Variants in GRIA1 observed in about 807,000 individuals in gnomAD.
The protein encoded by GRIA1 is glutamate receptor 1.
Under a neutral mutation model 99.2 loss-of-function variants are expected in GRIA1, and 31 were observed. The ratio of observed to expected loss-of-function variants is 0.31; its 90% confidence interval spans 0.23 to 0.42. The LOEUF (loss-of-function observed/expected upper bound fraction) is 0.42, where lower values mean the gene tolerates loss of function less well. Among genes scored for constraint, GRIA1 ranks in the 10% least tolerant of loss-of-function variants. The pLI, the probability that GRIA1 is intolerant of heterozygous loss-of-function variation, is 1.00. For synonymous variants in GRIA1, 438 were observed against 432.4 expected, an observed-to-expected ratio of 1.01 and a Z score of -0.16; for missense variants, 782 against 1,157.5, an observed-to-expected ratio of 0.68 and a Z score of 4.71.
At chr5:153,773,619 A>T (rs956582444) in intron 13 of GRIA1, among the ~76,000 whole-genome samples, 18 of 152,222 alleles carry the variant, frequency 1.2e-4, no homozygotes, top group African/African-American at 4.3e-4. Context: ...ATAATAAAAA[A>T]CTAATTCTTT....
intron 2 of GRIA1, among the ~76,000 whole-genome samples, chr5:153,580,466 A>C (rs527887886): frequency 2.0e-4 from 31 of 152,330 alleles, no homozygotes; most frequent in Non-Finnish European, 4.1e-4. Flanking sequence ...TTGGATGAAC[A>C]TGAGTATTAG....
chr5:153,621,836 C>T (rs1358947906), intron 2 of GRIA1, among the ~76,000 whole-genome samples: 4 of 152,182 alleles, frequency 2.6e-5, no homozygotes, highest in African/African-American at 9.6e-5. Flanking sequence ...ATTGCAAGTT[C>T]CATCAGCAAA....
chr5:153,749,137 A>G (rs984304075), intron 11 of GRIA1, among the ~76,000 whole-genome samples: 2 of 152,142 alleles, frequency 1.3e-5, no homozygotes, highest in African/African-American at 4.8e-5. Flanking sequence ...GACCCAGGAG[A>G]GAGTGGGGCC....
intron 11 of GRIA1, among the ~76,000 whole-genome samples, chr5:153,729,491 A>T (rs1249144466): frequency 6.6e-6 from 1 of 152,116 alleles, no homozygotes; most frequent in East Asian, 1.9e-4. Flanking sequence ...ATTACACAGT[A>T]AAGAGTGTGT....
chr5:153,789,564 A>AAAAT lies in GRIA1; in HGVS notation c.2271-5053_2271-5050dup, dbSNP rs1765172218. Among the ~76,000 whole-genome samples the AAAAT allele has an allele frequency of 2.0e-5, 3 of 152,306 alleles. No individual in the cohort carries two copies. In the South Asian group the frequency reaches 6.2e-4, roughly 32 times the overall value. ...ACTGACTTCCACTTTTAGGAGAAAGAAAATAAAGTAATCTCAGGAATCTTT... is the reference window on the plus strand; with the variant it reads ...ACTGACTTCCACTTTTAGGAGAAAGAAAATAAATAAAGTAATCTCAGGAATCTTT... On this transcript the variant is annotated intron_variant, in intron 13 of 15. Coordinates refer to ENST00000285900, the MANE Select transcript of GRIA1 (RefSeq NM_000827.4).
intron 11 of GRIA1, among the ~76,000 whole-genome samples, chr5:153,748,479 G>T (rs949593351): frequency 1.3e-5 from 2 of 152,196 alleles, no homozygotes; most frequent in Non-Finnish European, 1.5e-5. Context: ...TGCCTTGGTA[G>T]AATATTTGGA....
intron 1 of GRIA1, 133 bp from the exon 2 acceptor site, chr5:153,493,795 T>C: frequency 4.7e-6 from 4 of 858,574 alleles, no homozygotes; most frequent in Non-Finnish European, 5.5e-6. Flanking sequence ...ATTTGAACTC[T>C]CATCTCTACC....
chr5:153,586,197 A>G (rs1387928676), intron 2 of GRIA1, among the ~76,000 whole-genome samples: 4 of 152,172 alleles, frequency 2.6e-5, no homozygotes, highest in Non-Finnish European at 4.4e-5. Context: ...TTACCCTCCT[A>G]TGCAATGTAA....
At chr5:153,619,750 A>G (rs553501956) in intron 2 of GRIA1, among the ~76,000 whole-genome samples, 142 of 152,292 alleles carry the variant, frequency 9.3e-4, no homozygotes, top group African/African-American at 3.2e-3. Flanking sequence ...GGAAAATACT[A>G]CTACAACCGT....
At chr5:153,606,689 G>A (rs975431081) in intron 2 of GRIA1, among the ~76,000 whole-genome samples, 10 of 151,608 alleles carry the variant, frequency 6.6e-5, no homozygotes, top group African/African-American at 1.9e-4. Context: ...ATTGTTTGGC[G>A]CTGGTAAATG....
At chr5:153,673,158 T>C (rs1241785724) in intron 5 of GRIA1, among the ~76,000 whole-genome samples, 2 of 152,190 alleles carry the variant, frequency 1.3e-5, no homozygotes, top group African/African-American at 4.8e-5. Context: ...AATATGCCAA[T>C]CATCCTCTCA....
At position 153,680,450 on chromosome 5, in the gene GRIA1, T is replaced by A. The variant is rs148479172; in HGVS notation, c.1029+3289T>A. 2.2e-3 allele frequency among the ~76,000 whole-genome samples: 332 copies of A among 152,134 alleles called. 3 individuals carry two copies. Among genetic ancestry groups the A allele is most frequent in the African/African-American group, 7.7e-3 (320 of 41,480 alleles). ...CTTAACATAGGGGAGGTAATAGGCA[T>A]TTGAGAATATGATTTTTTAAAAGAA... On this transcript the variant is annotated intron_variant, in intron 7 of 15. Coordinates refer to ENST00000285900, the MANE Select transcript of GRIA1 (RefSeq NM_000827.4).
chr5:153,767,155 A>G (rs1447800011), intron 12 of GRIA1, among the ~76,000 whole-genome samples: 1 of 152,232 alleles, frequency 6.6e-6, no homozygotes, highest in African/African-American at 2.4e-5. Flanking sequence ...CCTGAAAAAA[A>G]AGGCATAATT....
intron 13 of GRIA1, 32 bp from the exon 14 acceptor site, chr5:153,794,589 A>G (rs1487840891): frequency 7.3e-7 from 1 of 1,360,640 alleles, no homozygotes; most frequent in Non-Finnish European, 1.1e-6. Flanking sequence ...TCCACCTGTT[A>G]CTCATCGAGT....
chr5:153,574,414 A>G (rs547300910), intron 2 of GRIA1: 32 of 152,250 alleles, frequency 2.1e-4, no homozygotes, highest in African/African-American at 7.5e-4. Flanking sequence ...TGTTTTAATA[A>G]TCATTATCTT....
chr5:153,671,290 T>A (rs541048802), intron 5 of GRIA1, among the ~76,000 whole-genome samples: 97 of 152,328 alleles, frequency 6.4e-4, no homozygotes, highest in African/African-American at 2.3e-3. Context: ...CAGGACCTTG[T>A]TACAGATTTT....
intron 2 of GRIA1, among the ~76,000 whole-genome samples, chr5:153,557,556 A>T (rs1760758568): frequency 6.6e-6 from 1 of 152,122 alleles, no homozygotes; most frequent in African/African-American, 2.4e-5. Context: ...ACAACTATAC[A>T]ACTTTTTTTT....
At position 153,811,086 on chromosome 5, in the gene GRIA1, G is replaced by C. The variant is rs750421563; in HGVS notation, c.2582G>C (p.Arg861Pro). The change falls in exon 16 of 16, where the codon CGC becomes CCC. Residue 861 changes from arginine (R) to proline (P), a missense_variant. Arg to Pro is a moderately radical substitution (Grantham distance 103). Transcript: ENST00000285900. ...GCCATACGGACATCGACCCTCCCCC[G>C]CAACAGCGGGGCAGGAGCCAGCAGC... ...NEAIRTSTLP[R>P]NSGAGASSGG... 1 of 1,613,978 alleles carries C rather than the reference G, an allele frequency of 6.2e-7. No individual in the cohort carries two copies. Among genetic ancestry groups the C allele is most frequent in the Non-Finnish European group, 8.5e-7 (1 of 1,179,894 alleles).
intron 3 of GRIA1, among the ~76,000 whole-genome samples, chr5:153,648,735 T>C (rs1335852780): frequency 6.6e-6 from 1 of 152,132 alleles, no homozygotes; most frequent in Non-Finnish European, 1.5e-5. Flanking sequence ...TATTGGTCAC[T>C]GTGGAAGAGG....
Sources: allele counts gnomAD v4.1 joint callset (sites outside exome capture counted in the v4.1 genomes callset), GRCh38; gene constraint gnomAD v4.1.1; transcripts MANE v1.5; gene names NCBI Gene and HGNC (gene_info 2026-07-23, HGNC 2026-07-21).